DNM1L: variants seen among roughly 807,000 people sequenced by gnomAD.
The protein encoded by DNM1L is dynamin-1-like protein.
Under a neutral mutation model 92.8 loss-of-function variants are expected in DNM1L, and 33 were observed. That is an observed-to-expected ratio of 0.36 (90% CI 0.27 to 0.48). DNM1L has a LOEUF of 0.48. DNM1L is among the 20% of genes least tolerant of loss of function. The pLI, the probability that DNM1L is intolerant of heterozygous loss-of-function variation, is 0.99. For synonymous variants in DNM1L, 284 were observed against 305.0 expected, an observed-to-expected ratio of 0.93 and a Z score of 0.72; for missense variants, 485 against 888.8, an observed-to-expected ratio of 0.55 and a Z score of 5.78.
At chr12:32,700,207 C>G (rs12322568) in intron 1 of DNM1L, among the ~76,000 whole-genome samples, 23,383 of 151,944 alleles carry the variant, frequency 0.15, 1,906 homozygotes, top group Middle Eastern at 0.21. Flanking sequence ...GCAACCTCCA[C>G]CTCCCGGGTT....
intron 9 of DNM1L, among the ~76,000 whole-genome samples, chr12:32,724,436 C>G (rs1297456391): frequency 4.6e-5 from 7 of 151,094 alleles, no homozygotes; most frequent in Non-Finnish European, 7.4e-5. Flanking sequence ...ATTAGCTGGG[C>G]GTGGTGGCAC....
chr12:32,709,753 A>G (rs189787070), intron 4 of DNM1L: 1 of 152,364 alleles, frequency 6.6e-6, no homozygotes, highest in Admixed American at 6.5e-5. Flanking sequence ...AGAGCTTTGT[A>G]TTGGACTGAT....
chr12:32,688,877 G>C (rs1952125036), intron 1 of DNM1L, among the ~76,000 whole-genome samples: 1 of 152,116 alleles, frequency 6.6e-6, no homozygotes, highest in Non-Finnish European at 1.5e-5. Flanking sequence ...TAGAAAGTTT[G>C]GATTTTGGGT....
At chr12:32,711,454 A>G (rs1953119832) in intron 5 of DNM1L, among the ~76,000 whole-genome samples, 1 of 152,108 alleles carries the variant, frequency 6.6e-6, no homozygotes, top group South Asian at 2.1e-4. Context: ...TGTCTAATAG[A>G]CATTTCAAAC....
intron 6 of DNM1L, among the ~76,000 whole-genome samples, chr12:32,718,097 C>T (rs1352735513): frequency 7.5e-6 from 1 of 133,288 alleles, no homozygotes; most frequent in African/African-American, 2.8e-5. Context: ...TATATATATA[C>T]TATATATATT....
rs1274926056 is a variant in DNM1L at position 32,717,696 on chromosome 12, A to T, written c.620-947A>T. 4.2e-4 allele frequency among the ~76,000 whole-genome samples: 40 copies of T among 94,242 alleles called. 1 individual carries two copies. Among genetic ancestry groups the T allele is most frequent in the African/African-American group, 1.8e-3 (40 of 21,846 alleles). The allele number at this position is 94,242 out of a possible 152,430, so 61.8% of individuals were successfully genotyped here. On this transcript the variant is annotated intron_variant, in intron 6 of 19. Transcript: ENST00000549701. ...ATATACCTAGGTAGATATATATATA[A>T]AAAATACATATACCTAGGTAGATAT...
At chr12:32,729,129 T>G (rs1487502385) in intron 9 of DNM1L, 2 of 146,602 alleles carry the variant, frequency 1.4e-5, no homozygotes, top group African/African-American at 5.1e-5. Flanking sequence ...TTGCCCAAAC[T>G]GGAGTGTAGT....
At chr12:32,716,440 T>A (rs2137393799) in intron 6 of DNM1L, among the ~76,000 whole-genome samples, 1 of 152,220 alleles carries the variant, frequency 6.6e-6, no homozygotes, top group South Asian at 2.1e-4. Context: ...CAGGTGATTC[T>A]CCCACCTCAG....
intron 1 of DNM1L, among the ~76,000 whole-genome samples, chr12:32,685,769 T>A (rs1951986526): frequency 6.6e-6 from 1 of 152,086 alleles, no homozygotes; most frequent in Non-Finnish European, 1.5e-5. Flanking sequence ...CTGGAATTCT[T>A]TATTTGAAAA....
chr12:32,725,856 C>G (rs779803398), intron 9 of DNM1L, among the ~76,000 whole-genome samples: 15 of 151,484 alleles, frequency 9.9e-5, no homozygotes, highest in Admixed American at 6.6e-4. Flanking sequence ...CTGCCTGCCT[C>G]AGCCTCCCAA....
intron 1 of DNM1L, among the ~76,000 whole-genome samples, chr12:32,693,961 T>G (rs1952332057): frequency 6.6e-6 from 1 of 151,714 alleles, no homozygotes; most frequent in Non-Finnish European, 1.5e-5. Context: ...TTAAACTAAT[T>G]TTAGAATATA....
At chr12:32,709,921 G>T (rs1176850691) in intron 4 of DNM1L, among the ~76,000 whole-genome samples, 1 of 152,180 alleles carries the variant, frequency 6.6e-6, no homozygotes, top group Non-Finnish European at 1.5e-5. Context: ...AGGGAATGTG[G>T]AGTAAAGGAT....
At chr12:32,725,910 GTT>G (rs59243079) in intron 9 of DNM1L, among the ~76,000 whole-genome samples, 51 of 141,658 alleles carry the variant, frequency 3.6e-4, no homozygotes, top group African/African-American at 8.2e-4. Context: ...TGGCATGCCG[GTT>G]TTTTTTTTTT....
Position 32,732,599 on chromosome 12 carries a change from C to T in DNM1L, c.1446+656C>T, listed in dbSNP as rs189748724. The T allele has an allele frequency of 5.0e-4, 228 of 455,876 alleles. 1 individual carries two copies. Among genetic ancestry groups the T allele is most frequent in the Non-Finnish European group, 4.3e-4 (98 of 226,750 alleles). The allele number at this position is 455,876 out of a possible 1,614,324, so 28.2% of individuals were successfully genotyped here. On this transcript the variant is annotated intron_variant, in intron 12 of 19. Coordinates refer to ENST00000549701, the MANE Select transcript of DNM1L (RefSeq NM_012062.5). ...TGGAGGTTTACTAAGAGTACAAAAC[C>T]ATCCTTGGAATGTAAGTGCTGCTGC...
intron 1 of DNM1L, among the ~76,000 whole-genome samples, chr12:32,683,109 C>T (rs1951868783): frequency 6.6e-6 from 1 of 152,188 alleles, no homozygotes; most frequent in Admixed American, 6.5e-5. Flanking sequence ...ATGACATTAA[C>T]CTGAGACTCT....
intron 1 of DNM1L, among the ~76,000 whole-genome samples, chr12:32,687,740 A>G (rs898424795): frequency 2.6e-5 from 4 of 151,714 alleles, no homozygotes; most frequent in Middle Eastern, 3.2e-3. Flanking sequence ...ATGAGCCACC[A>G]TGCCTGGCCA....
chr12:32,704,070 G>A (rs1952819913), intron 2 of DNM1L, among the ~76,000 whole-genome samples: 1 of 152,060 alleles, frequency 6.6e-6, no homozygotes, highest in South Asian at 2.1e-4. Flanking sequence ...AATAAATCAA[G>A]CTTTCCTCAG....
intron 12 of DNM1L, 98 bp downstream of exon 12, chr12:32,732,041 G>T: frequency 1.2e-6 from 1 of 863,138 alleles, no homozygotes; most frequent in Non-Finnish European, 1.9e-6. Flanking sequence ...TTACTTTAGA[G>T]TGTAGGCATA....
At chr12:32,738,147 A>C in intron 15 of DNM1L, 117 bp from the exon 16 acceptor site, 1 of 1,239,946 alleles carries the variant, frequency 8.1e-7, no homozygotes. Context: ...GCAATATAGA[A>C]GATGCACACA....
Sources: allele counts gnomAD v4.1 joint callset (sites outside exome capture counted in the v4.1 genomes callset), GRCh38; gene constraint gnomAD v4.1.1; transcripts MANE v1.5; gene names NCBI Gene and HGNC (gene_info 2026-07-23, HGNC 2026-07-21).